Variants in TMEM233 observed in about 807,000 individuals in gnomAD.
TMEM233 encodes dispanin subfamily B member 2.
A neutral mutation model predicts 11.2 loss-of-function variants in TMEM233; 6 were observed. The observed-to-expected ratio is 0.54, with a 90% CI of 0.29 to 1.06. The LOEUF (loss-of-function observed/expected upper bound fraction) is 1.06. Ranked by LOEUF, TMEM233 falls within the 50% of genes least tolerant of loss-of-function variation. The probability of loss-of-function intolerance (pLI) is 0.08; values close to 1 mark genes in which losing one functional copy is unlikely to be tolerated. For missense variants in TMEM233, 127 were observed against 144.7 expected (o/e 0.88, Z 0.63); for synonymous variants, 59 against 55.8 (o/e 1.06, Z -0.26).
At chr12:119,651,662 C>A in the TMEM233 span, among the ~76,000 whole-genome samples, 4 of 142,516 alleles carry the variant, frequency 2.8e-5, no homozygotes, top group African/African-American at 5.1e-5. Context: ...ACTAAATATA[C>A]AAAAAAAAAA....
chr12:119,632,724 T>A (rs992760587), intron 2 of TMEM233, among the ~76,000 whole-genome samples: 1 of 152,200 alleles, frequency 6.6e-6, no homozygotes, highest in African/African-American at 2.4e-5. Flanking sequence ...TTTCAAGAGA[T>A]GTTGGAAATC....
At chr12:119,626,538 G>GGAGAAGAGAAGAGAAAAGAGAA (rs1954767222) in intron 1 of TMEM233, among the ~76,000 whole-genome samples, 2 of 63,822 alleles carry the variant, frequency 3.1e-5, no homozygotes, top group Non-Finnish European at 6.1e-5. Context: ...AAGGGAGAAG[G>GGAGAAGAGAAGAGAAAAGAGAA]GAGAAGAGAA....
chr12:119,620,056 C>G (rs1168448257), intron 1 of TMEM233, among the ~76,000 whole-genome samples: 3 of 152,224 alleles, frequency 2.0e-5, no homozygotes, highest in Non-Finnish European at 4.4e-5. Context: ...ACTTATTGCT[C>G]TCCTTCTATG....
intron 1 of TMEM233, among the ~76,000 whole-genome samples, chr12:119,606,750 T>C (rs911587065): frequency 1.3e-5 from 2 of 152,214 alleles, no homozygotes; most frequent in African/African-American, 4.8e-5. Flanking sequence ...ATGACATAAA[T>C]TATAAAATGA....
At chr12:119,636,536 T>A (rs1954971906) in intron 2 of TMEM233, among the ~76,000 whole-genome samples, 1 of 152,150 alleles carries the variant, frequency 6.6e-6, no homozygotes, top group African/African-American at 2.4e-5. Flanking sequence ...CCGGCTGGTC[T>A]TGAACTCCCA....
chr12:119,609,017 C>T (rs1954340668), intron 1 of TMEM233, among the ~76,000 whole-genome samples: 1 of 152,098 alleles, frequency 6.6e-6, no homozygotes, highest in Non-Finnish European at 1.5e-5. Context: ...AAATGGATAA[C>T]AGGCAGAGGT....
intron 2 of TMEM233, among the ~76,000 whole-genome samples, chr12:119,639,859 G>A (rs931230936): frequency 1.3e-5 from 2 of 151,992 alleles, no homozygotes; most frequent in Non-Finnish European, 2.9e-5. Context: ...GTAACTGTTG[G>A]GTATTATTAC....
In TMEM233 at chr12:119,604,931, C is replaced by A. The variant is rs191855413; in HGVS notation, c.186+10897C>A. 7.2e-5 allele frequency among the ~76,000 whole-genome samples: 11 copies of A among 151,940 alleles called. No individual in the cohort carries two copies. The East Asian group carries it at 2.1e-3, about 29-fold the overall frequency. ...TACAGGCATGAGACACCATGCCTGG[C>A]TAAGTTAGGTGTTTTTAATGAGTCT... On this transcript the variant is annotated intron_variant, in intron 1 of 2. Coordinates refer to ENST00000426426, the MANE Select transcript of TMEM233 (RefSeq NM_001136534.3).
At chr12:119,622,288 G>A (rs1954659092) in intron 1 of TMEM233, among the ~76,000 whole-genome samples, 1 of 152,202 alleles carries the variant, frequency 6.6e-6, no homozygotes. Context: ...TCTCTGAGAA[G>A]TAAGATTAGG....
At chr12:119,630,313 A>C (rs1954852678) in intron 2 of TMEM233, among the ~76,000 whole-genome samples, 1 of 152,242 alleles carries the variant, frequency 6.6e-6, no homozygotes, top group African/African-American at 2.4e-5. Context: ...CATATAGGTC[A>C]GTGGAAGGTC....
intron 2 of TMEM233, chr12:119,631,603 G>T (rs749722292): frequency 2.0e-6 from 2 of 985,330 alleles, no homozygotes; most frequent in Non-Finnish European, 2.4e-6. Context: ...ACACGTGAAT[G>T]AACCTGACTA....
At chr12:119,634,976 G>C (rs4766945) in intron 2 of TMEM233, among the ~76,000 whole-genome samples, 116,516 of 152,186 alleles carry the variant, frequency 0.77, 44,795 homozygotes, top group Middle Eastern at 0.85. Context: ...GGATAGAATC[G>C]TGCATTGACA....
intron 1 of TMEM233, among the ~76,000 whole-genome samples, chr12:119,603,147 T>G (rs1410832801): frequency 6.6e-6 from 1 of 152,046 alleles, no homozygotes; most frequent in Non-Finnish European, 1.5e-5. Flanking sequence ...AGTGAGTGCC[T>G]GTAATCCAAG....
At chr12:119,605,399 T>G (rs1954254565) in intron 1 of TMEM233, among the ~76,000 whole-genome samples, 1 of 143,906 alleles carries the variant, frequency 6.9e-6, no homozygotes, top group Admixed American at 7.1e-5. Context: ...ATCAGACAGC[T>G]ATGCCTTTCC....
At chr12:119,599,299 C>T (rs1954110701) in intron 1 of TMEM233, among the ~76,000 whole-genome samples, 1 of 152,050 alleles carries the variant, frequency 6.6e-6, no homozygotes, top group South Asian at 2.1e-4. Flanking sequence ...ATTGCATTGT[C>T]TGTAACGTAA....
At chr12:119,600,611 A>T (rs1160266498) in intron 1 of TMEM233, among the ~76,000 whole-genome samples, 1 of 152,244 alleles carries the variant, frequency 6.6e-6, no homozygotes, top group Non-Finnish European at 1.5e-5. Flanking sequence ...CAGTCTTTAA[A>T]AGGAAGGAAA....
chr12:119,640,720 G>A lies in TMEM233; in HGVS notation c.*15G>A, dbSNP rs904634282. Reference sequence around the variant, plus strand: ...ACAGTGCCTGAGGAACCAGCGGTCAGTGGGCTGTGAGCGTGGAGGATGGAC... The same window carrying A: ...ACAGTGCCTGAGGAACCAGCGGTCAATGGGCTGTGAGCGTGGAGGATGGAC... On this transcript the variant is annotated 3_prime_UTR_variant, in exon 3 of 3. Transcript: ENST00000426426. 3 of 1,550,974 alleles carry A rather than the reference G, an allele frequency of 1.9e-6. No individual in the cohort carries two copies. Among genetic ancestry groups the A allele is most frequent in the Non-Finnish European group, 2.6e-6 (3 of 1,146,970 alleles).
At chr12:119,643,570 C>T (rs1193807156), downstream of TMEM233, among the ~76,000 whole-genome samples, 1 of 151,982 alleles carries the variant, frequency 6.6e-6, no homozygotes, top group African/African-American at 2.4e-5. Context: ...CTAGCGAGAC[C>T]ATCCTGGCTA....
intron 1 of TMEM233, among the ~76,000 whole-genome samples, chr12:119,622,577 A>G (rs920633599): frequency 6.6e-6 from 1 of 152,162 alleles, no homozygotes; most frequent in Non-Finnish European, 1.5e-5. Flanking sequence ...TAAAATTCCA[A>G]TTAAAAGAGG....
Sources: gnomAD v4.1 joint callset for allele counts (sites outside exome capture counted in the v4.1 genomes callset) on GRCh38, gnomAD v4.1.1 for gene constraint, MANE v1.5 for transcripts, NCBI Gene and HGNC (gene_info 2026-07-23, HGNC 2026-07-21) for gene names.